Variants in DOC2B observed in about 807,000 individuals in gnomAD.
DOC2B encodes the protein double C2-like domain-containing protein beta.
Under a neutral mutation model 28.9 loss-of-function variants are expected in DOC2B, and 21 were observed. That is an observed-to-expected ratio of 0.73 (90% CI 0.52 to 1.05). The LOEUF is 1.05. DOC2B is among the 50% of genes least tolerant of loss of function. The probability of loss-of-function intolerance (pLI) is 0.00; values close to 1 mark genes in which losing one functional copy is unlikely to be tolerated. For missense variants in DOC2B, 384 were observed against 421.1 expected, an observed-to-expected ratio of 0.91 and a Z score of 0.77; for synonymous variants, 194 against 178.1, an observed-to-expected ratio of 1.09 and a Z score of -0.71.
chr17:180,674 AGGCCCTCCC>A (rs2040430257), intron 1 of DOC2B, among the ~76,000 whole-genome samples: 1 of 151,788 alleles, frequency 6.6e-6, no homozygotes, highest in South Asian at 2.1e-4. Flanking sequence ...CTCGGCCGCG[AGGCCCTCCC>A]GGAGCGGCTG....
intron 2 of DOC2B, among the ~76,000 whole-genome samples, chr17:170,069 G>A (rs2040294348): frequency 6.6e-6 from 1 of 152,166 alleles, no homozygotes; most frequent in Admixed American, 6.5e-5. Context: ...GGTGGGCTTT[G>A]GCCAGAGTGG....
intron 3 of DOC2B, 129 bp downstream of exon 3, chr17:164,001 G>T (rs1236733362): frequency 3.0e-6 from 2 of 677,926 alleles, no homozygotes; most frequent in Non-Finnish European, 2.6e-6. Flanking sequence ...ACTCTGAGGG[G>T]AGTGGCAGCT....
chr17:159,614 A>C (rs746404575), intron 5 of DOC2B, among the ~76,000 whole-genome samples: 2 of 152,060 alleles, frequency 1.3e-5, no homozygotes, highest in Non-Finnish European at 2.9e-5. Flanking sequence ...ACAGAGCAAG[A>C]CTCAGTCTCA....
In DOC2B at chr17:172,566, C is replaced by T. The variant is rs1597833278; in HGVS notation, c.424G>A (p.Ala142Thr). 2.6e-6 allele frequency: 4 copies of T among 1,551,114 alleles called. No individual in the cohort carries two copies. The highest frequency in any genetic ancestry group is 2.6e-6 in the Non-Finnish European group (3 of 1,146,666). ...GCCTTGGTGATGGTGCAGTGGAGGG[C>T]GTTGTTCTCCTGGTCATACAGCAGG... ...FSLLYDQENN[A>T]LHCTITKAKG... The change falls in exon 2 of 9, where the codon GCC becomes ACC. Residue 142 changes from alanine to threonine, a missense_variant. Coordinates refer to ENST00000613549, the MANE Select transcript of DOC2B (RefSeq NM_003585.5).
intron 6 of DOC2B, among the ~76,000 whole-genome samples, chr17:151,569 G>A (rs187054480): frequency 4.9e-4 from 75 of 152,248 alleles, no homozygotes; most frequent in Middle Eastern, 3.4e-3. Flanking sequence ...AAAAAAGTTT[G>A]GGGGGATTCC....
At chr17:149,241 G>A in intron 6 of DOC2B, 49 bp from the exon 7 acceptor site, 1 of 399,256 alleles carries the variant, frequency 2.5e-6, no homozygotes, top group Non-Finnish European at 4.4e-6. Flanking sequence ...ATGCTATGGG[G>A]TATAGATCAA....
intron 1 of DOC2B, among the ~76,000 whole-genome samples, chr17:178,093 T>C (rs2040391137): frequency 6.6e-6 from 1 of 152,256 alleles, no homozygotes; most frequent in Non-Finnish European, 1.5e-5. Context: ...AAGGACCTTA[T>C]TGTTACATGT....
chr17:178,691 A>G (rs1241005846), intron 1 of DOC2B, among the ~76,000 whole-genome samples: 2 of 152,258 alleles, frequency 1.3e-5, no homozygotes, highest in Non-Finnish European at 2.9e-5. Flanking sequence ...CTTAATAAAG[A>G]AAGGGCTTTA....
chr17:152,534 G>A (rs750761793), intron 6 of DOC2B, among the ~76,000 whole-genome samples: 20 of 152,070 alleles, frequency 1.3e-4, no homozygotes, highest in Non-Finnish European at 1.9e-4. Flanking sequence ...TTGGGAGGCC[G>A]AGCTAGGAGG....
intron 7 of DOC2B, 99 bp from the exon 8 acceptor site, chr17:148,368 G>T (rs2040037460): frequency 7.5e-6 from 3 of 397,686 alleles, no homozygotes; most frequent in Middle Eastern, 6.2e-4. Context: ...AGGGATGGGG[G>T]TGATCAGTGC....
At chr17:173,262 G>A (rs1048212094) in intron 1 of DOC2B, among the ~76,000 whole-genome samples, 5 of 152,190 alleles carry the variant, frequency 3.3e-5, no homozygotes, top group East Asian at 1.9e-4. Flanking sequence ...ATAATTGGGT[G>A]CAGCTGCCTC....
At chr17:158,513 C>T (rs1252275258) in intron 5 of DOC2B, among the ~76,000 whole-genome samples, 1 of 152,208 alleles carries the variant, frequency 6.6e-6, no homozygotes, top group Non-Finnish European at 1.5e-5. Context: ...GCCCCACCAG[C>T]CACCTTCGCC....
Position 146,134 on chromosome 17 carries a change from G to A in DOC2B, c.*1307C>T, listed in dbSNP as rs1362238846. 1 of 152,260 alleles carries A rather than the reference G, an allele frequency of 6.6e-6. No individual in the cohort carries two copies. The highest frequency in any genetic ancestry group is 1.5e-5 in the Non-Finnish European group (1 of 68,106). The allele number at this position is 152,260 out of a possible 1,614,324, so 9.4% of individuals were successfully genotyped here. Reference sequence around the variant, plus strand: ...GTGATTCTTGCTCAGCTCCTGGAGGGTGGAGCTGGCCCCACAGGCCTCCCC... The same window carrying A: ...GTGATTCTTGCTCAGCTCCTGGAGGATGGAGCTGGCCCCACAGGCCTCCCC... On this transcript the variant is annotated 3_prime_UTR_variant, in exon 9 of 9. Transcript: ENST00000613549.
In DOC2B at chr17:162,052, G is replaced by A. The variant is rs76101758; in HGVS notation, c.638+29C>T. On this transcript the variant is annotated intron_variant, in intron 4 of 8. Coordinates refer to ENST00000613549, the MANE Select transcript of DOC2B (RefSeq NM_003585.5). ...CCGGGTGGGAGTAGGGGTTGGGGAGGGAGCAGGCGGCCTGGGACCCTCACC... is the reference window on the plus strand; with the variant it reads ...CCGGGTGGGAGTAGGGGTTGGGGAGAGAGCAGGCGGCCTGGGACCCTCACC... 38,997 of 1,473,756 alleles carry A rather than the reference G, an allele frequency of 0.026. 4,357 individuals carry two copies. In the East Asian group the frequency reaches 0.34, roughly 13 times the overall value. The allele number at this position is 1,473,756 out of a possible 1,614,324, so 91.3% of individuals were successfully genotyped here.
intron 6 of DOC2B, among the ~76,000 whole-genome samples, chr17:153,282 C>T (rs1952765971): frequency 6.6e-6 from 1 of 152,230 alleles, no homozygotes; most frequent in African/African-American, 2.4e-5. Context: ...GATGGCCCCC[C>T]GCCTGCCTGT....
Position 145,943 on chromosome 17 carries a change from C to G in DOC2B, c.*1498G>C, listed in dbSNP as rs1168947485. The G allele has an allele frequency of 6.6e-6, 1 of 152,372 alleles. No individual in the cohort carries two copies. Among genetic ancestry groups the G allele is most frequent in the African/African-American group, 2.4e-5 (1 of 41,476 alleles). The allele number at this position is 152,372 out of a possible 1,614,324, so 9.4% of individuals were successfully genotyped here. On this transcript the variant is annotated 3_prime_UTR_variant, in exon 9 of 9. Coordinates refer to ENST00000613549, the MANE Select transcript of DOC2B (RefSeq NM_003585.5). ...CTGATGGGCTGAGCACACTGGGACT[C>G]TGGCTGTGCAACTCCTTGGCTCTGC...
intron 6 of DOC2B, among the ~76,000 whole-genome samples, chr17:152,069 C>A (rs1354758391): frequency 6.6e-6 from 1 of 152,182 alleles, no homozygotes; most frequent in Non-Finnish European, 1.5e-5. Flanking sequence ...GGACAGTGGT[C>A]CTGGCCACCG....
chr17:179,437 A>G (rs1239596247), intron 1 of DOC2B, among the ~76,000 whole-genome samples: 1 of 151,148 alleles, frequency 6.6e-6, no homozygotes, highest in Non-Finnish European at 1.5e-5. Context: ...GCCATTCGCC[A>G]TGCAGAGGGC....
At chr17:151,207 C>A (rs1226126624) in intron 6 of DOC2B, among the ~76,000 whole-genome samples, 1 of 152,110 alleles carries the variant, frequency 6.6e-6, no homozygotes, top group Non-Finnish European at 1.5e-5. Context: ...GAGTTCAAGG[C>A]TGCAATGAGC....
Sources: allele counts gnomAD v4.1 joint callset (sites outside exome capture counted in the v4.1 genomes callset), GRCh38; gene constraint gnomAD v4.1.1; transcripts MANE v1.5; gene names NCBI Gene and HGNC (gene_info 2026-07-23, HGNC 2026-07-21).